MTR: variants seen among roughly 807,000 people sequenced by gnomAD.
MTR encodes 5-methyltetrahydrofolate-homocysteine methyltransferase, also known as methionine synthase.
A neutral mutation model predicts 154.8 loss-of-function variants in MTR; 84 were observed. The observed-to-expected ratio is 0.54, with a 90% CI of 0.45 to 0.65. The LOEUF is 0.65. Among genes scored for constraint, MTR ranks in the 30% least tolerant of loss-of-function variants. The pLI is 0.00. For missense variants in MTR, 1,275 were observed against 1,570.2 expected, an observed-to-expected ratio of 0.81 and a Z score of 3.18; for synonymous variants, 554 against 553.9, an observed-to-expected ratio of 1.00 and a Z score of 0.00.
At position 236,863,504 on chromosome 1, in the gene MTR, C is replaced by T. The variant is rs761121279; in HGVS notation, c.2355C>T (p.His785=). ...IVLATVKGDV[H]DIGKNIVGVV... ...TGGCCACTGTTAAAGGCGACGTGCA[C>T]GACATAGGCAAGAACATAGTTGGAG... The change falls in exon 22 of 33, where the codon CAC becomes CAT. Residue 785 remains histidine, a synonymous_variant. Coordinates refer to ENST00000366577, the MANE Select transcript of MTR (RefSeq NM_000254.3). 63 of 1,613,912 alleles carry T rather than the reference C, an allele frequency of 3.9e-5. No individual in the cohort carries two copies. The highest frequency in any genetic ancestry group is 4.7e-5 in the Non-Finnish European group (56 of 1,179,968).
chr1:236,820,495 TA>T, intron 8 of MTR: 1 of 1,222,478 alleles, frequency 8.2e-7, no homozygotes, highest in Non-Finnish European at 1.2e-6. Context: ...ACTGAATAAG[TA>T]GCAGCAACCA....
At position 236,829,631 on chromosome 1, in the gene MTR, A is replaced by G. The variant is rs528137525; in HGVS notation, c.1075+363A>G. 6.6e-5 allele frequency among the ~76,000 whole-genome samples: 10 copies of G among 152,316 alleles called. No homozygotes were observed. The East Asian group carries it at 1.9e-3, about 29-fold the overall frequency. ...AGTTACTGAAAATTCCAAACTGCCAAGGTGTAATGTTTGGTGATGGCAGCA... is the reference window on the plus strand; with the variant it reads ...AGTTACTGAAAATTCCAAACTGCCAGGGTGTAATGTTTGGTGATGGCAGCA... On this transcript the variant is annotated intron_variant, in intron 12 of 32. Transcript: ENST00000366577.
chr1:236,831,900 T>G, intron 12 of MTR, 66 bp from the exon 13 acceptor site: 3 of 1,111,234 alleles, frequency 2.7e-6, no homozygotes, highest in Non-Finnish European at 2.8e-6. Context: ...AATACATTTG[T>G]GTCTGTCTGT....
At chr1:236,849,774 T>G (rs16834466) in intron 15 of MTR, among the ~76,000 whole-genome samples, 1 of 152,196 alleles carries the variant, frequency 6.6e-6, no homozygotes, top group African/African-American at 2.4e-5. Flanking sequence ...TTTGTATTTA[T>G]GACTTAAGAC....
intron 24 of MTR, among the ~76,000 whole-genome samples, chr1:236,877,362 A>C (rs1417242805): frequency 6.6e-6 from 1 of 152,252 alleles, no homozygotes; most frequent in Admixed American, 6.5e-5. Context: ...CTCCAGATCA[A>C]GAAATAGAAC....
intron 18 of MTR, among the ~76,000 whole-genome samples, chr1:236,853,348 G>A (rs1286175389): frequency 6.6e-6 from 1 of 152,080 alleles, no homozygotes; most frequent in African/African-American, 2.4e-5. Flanking sequence ...AATTTTTCTT[G>A]TACCAAGTAA....
intron 22 of MTR, among the ~76,000 whole-genome samples, chr1:236,872,777 G>A (rs892481914): frequency 6.6e-6 from 1 of 152,186 alleles, no homozygotes; most frequent in East Asian, 1.9e-4. Flanking sequence ...AAGCCGAGGT[G>A]GGAGGATCAC....
chr1:236,815,493 G>GTA (rs1251096396), intron 6 of MTR, 111 bp from the exon 7 acceptor site: 1 of 1,035,382 alleles, frequency 9.7e-7, no homozygotes, highest in African/African-American at 1.6e-5. Flanking sequence ...AGAGCTTGAT[G>GTA]TATATCTTAT....
intron 1 of MTR, 122 bp from the exon 2 acceptor site, chr1:236,803,306 G>T (rs1660794185): frequency 1.0e-6 from 1 of 966,278 alleles, no homozygotes. Context: ...AGTTATGAGT[G>T]CATCTTTTAT....
At chr1:236,839,538 C>T (rs1179543287) in intron 15 of MTR, among the ~76,000 whole-genome samples, 1 of 152,082 alleles carries the variant, frequency 6.6e-6, no homozygotes, top group Non-Finnish European at 1.5e-5. Flanking sequence ...CATAATAGCT[C>T]TGCCATAGAA....
chr1:236,838,114 C>T (rs996898954), intron 14 of MTR, among the ~76,000 whole-genome samples: 4 of 152,134 alleles, frequency 2.6e-5, no homozygotes, highest in Admixed American at 6.5e-5. Flanking sequence ...GGGGCTTAGG[C>T]GCTTGAAAGT....
chr1:236,853,040 C>G lies in MTR; in HGVS notation c.1905C>G (p.Ile635Met). 6.2e-7 allele frequency: 1 copy of G among 1,613,808 alleles called. No individual in the cohort carries two copies. The highest frequency in any genetic ancestry group is 2.2e-5 in the East Asian group (1 of 44,862). Residue 635 changes from isoleucine (I) to methionine (M), a missense_variant, in exon 18 of 33, where the codon ATC becomes ATG. Transcript: ENST00000366577. ...KELLQLCEDL[I>M]WNKDPEATEK... ...TTCTGCAGCTCTGTGAAGATCTCAT[C>G]TGGAATAAAGACCCTGAGGCCACTG...
chr1:236,823,849 C>T (rs1662128676), intron 8 of MTR, among the ~76,000 whole-genome samples: 2 of 52,294 alleles, frequency 3.8e-5, no homozygotes, highest in African/African-American at 1.7e-4. Context: ...AGTTTGCTGA[C>T]ATTTCTGTAC....
intron 1 of MTR, among the ~76,000 whole-genome samples, chr1:236,801,041 C>G (rs1660673842): frequency 6.6e-6 from 1 of 152,172 alleles, no homozygotes; most frequent in Non-Finnish European, 1.5e-5. Context: ...ATAGTCACAT[C>G]ATGGAGTGCC....
intron 1 of MTR, chr1:236,800,547 A>G (rs1301339191): frequency 2.2e-6 from 2 of 920,858 alleles, no homozygotes; most frequent in African/African-American, 1.8e-5. Flanking sequence ...GCTTTCACTG[A>G]GTATTTTCTT....
intron 18 of MTR, among the ~76,000 whole-genome samples, chr1:236,858,941 A>T (rs1558316017): frequency 6.6e-6 from 1 of 152,122 alleles, no homozygotes; most frequent in Admixed American, 6.5e-5. Context: ...TACGATAACC[A>T]TTCCTTCCTC....
intron 15 of MTR, among the ~76,000 whole-genome samples, chr1:236,842,883 C>G (rs768788914): frequency 1.3e-5 from 2 of 151,276 alleles, no homozygotes; most frequent in African/African-American, 4.9e-5. Context: ...TTCAGGAGTT[C>G]GAGAGTAGCC....
Position 236,850,403 on chromosome 1 carries a change from A to T in MTR, c.1575A>T (p.Lys525Asn), listed in dbSNP as rs199700767. The change falls in exon 16 of 33, where the codon AAA becomes AAT. Residue 525 changes from lysine (K) to asparagine (N), a missense_variant. By Grantham distance (94) the Lys-to-Asn change is moderately conservative (BLOSUM62 0). Transcript: ENST00000366577. ...VCTRAYHLLV[K>N]KLGFNPNDII... ...CCCGGGCCTACCATCTGCTTGTGAAAAAACTGGGCTTTAATCCAAATGACA... is the reference window on the plus strand; with the variant it reads ...CCCGGGCCTACCATCTGCTTGTGAATAAACTGGGCTTTAATCCAAATGACA... 2.2e-4 allele frequency: 356 copies of T among 1,613,872 alleles called. 1 individual carries two copies. The highest frequency in any genetic ancestry group is 2.7e-4 in the Non-Finnish European group (324 of 1,179,968).
intron 2 of MTR, among the ~76,000 whole-genome samples, chr1:236,805,504 A>G (rs1660929341): frequency 6.6e-6 from 1 of 152,062 alleles, no homozygotes; most frequent in Admixed American, 6.5e-5. Context: ...TTTTTGAGAC[A>G]AGGTCTCACT....
Sources: gnomAD v4.1 joint callset for allele counts (sites outside exome capture counted in the v4.1 genomes callset) on GRCh38, gnomAD v4.1.1 for gene constraint, MANE v1.5 for transcripts, NCBI Gene and HGNC (gene_info 2026-07-23, HGNC 2026-07-21) for gene names.